Variants in SEMA5A observed in about 807,000 individuals in gnomAD.
SEMA5A encodes semaphorin-5A.
Under a neutral mutation model 135.5 loss-of-function variants are expected in SEMA5A, and 55 were observed. The observed-to-expected ratio is 0.41, with a 90% CI of 0.33 to 0.51. The LOEUF (loss-of-function observed/expected upper bound fraction) is 0.51, where lower values mean the gene tolerates loss of function less well. SEMA5A is among the 20% of genes least tolerant of loss of function. The pLI, the probability that SEMA5A is intolerant of heterozygous loss-of-function variation, is 0.37. For synonymous variants in SEMA5A, 580 were observed against 546.5 expected (o/e 1.06, Z -0.85); for missense variants, 1,290 against 1,419.9 (o/e 0.91, Z 1.47).
intron 11 of SEMA5A, among the ~76,000 whole-genome samples, chr5:9,170,994 GC>G (rs1210049449): frequency 6.6e-6 from 1 of 152,108 alleles, no homozygotes; most frequent in Non-Finnish European, 1.5e-5. Flanking sequence ...AGAAGAAGGG[GC>G]TCCATATGGG....
At chr5:9,138,414 G>A (rs1476374030) in intron 12 of SEMA5A, among the ~76,000 whole-genome samples, 2 of 151,972 alleles carry the variant, frequency 1.3e-5, no homozygotes, top group Non-Finnish European at 2.9e-5. Flanking sequence ...ATAATGATAT[G>A]CAATACACAC....
In SEMA5A at chr5:9,042,964, G is replaced by A. The variant is rs774783706; in HGVS notation, c.3158C>T (p.Pro1053Leu). 5.6e-6 allele frequency: 9 copies of A among 1,612,402 alleles called. No homozygotes were observed. The highest frequency in any genetic ancestry group is 1.7e-5 in the Admixed American group (1 of 59,954). ...AGAATAGGTCTTCCCAGTGAGATGT[G>A]GGTTGAAGTATTTGTTTCTTTCCTC... ...ILEERNKYFN[P>L]HLTGKTYSNA... Residue 1053 changes from proline (P) to leucine (L), a missense_variant, in exon 23 of 23, where the codon CCA becomes CTA. By Grantham distance (98) the Pro-to-Leu change is moderately conservative. Coordinates refer to ENST00000382496, the MANE Select transcript of SEMA5A (RefSeq NM_003966.3).
Position 9,042,632 on chromosome 5 carries a change from A to C in SEMA5A, c.*265T>G. 1 of 399,332 alleles carries C rather than the reference A, an allele frequency of 2.5e-6. No homozygotes were observed. 24.7% of individuals were successfully genotyped at this position (399,332 alleles called of 1,614,324 possible). ...TAATGCTCAAAAAACAAACCAATGG[A>C]CTTGTCAGAAAAATAGGATGAACAC... On this transcript the variant is annotated 3_prime_UTR_variant, in exon 23 of 23. Transcript: ENST00000382496.
chr5:9,221,344 C>G (rs1746953407), intron 8 of SEMA5A, among the ~76,000 whole-genome samples: 1 of 148,596 alleles, frequency 6.7e-6, no homozygotes, highest in Admixed American at 6.7e-5. Context: ...GCTGTGTCAC[C>G]CAGGCTGGAG....
chr5:9,494,890 T>C (rs1735222699), intron 1 of SEMA5A, among the ~76,000 whole-genome samples: 1 of 152,194 alleles, frequency 6.6e-6, no homozygotes, highest in African/African-American at 2.4e-5. Context: ...CTTTCCAAAG[T>C]ATCTGGTTCA....
chr5:9,148,813 G>A (rs527391338), intron 12 of SEMA5A, among the ~76,000 whole-genome samples: 13 of 151,798 alleles, frequency 8.6e-5, no homozygotes, highest in East Asian at 3.9e-4. Context: ...TCTGCCTCCC[G>A]GGTTCAAGCG....
chr5:9,182,204 G>A (rs1186923124), intron 11 of SEMA5A, among the ~76,000 whole-genome samples: 1 of 141,472 alleles, frequency 7.1e-6, no homozygotes, highest in East Asian at 2.1e-4. Flanking sequence ...TGTCTGTCTT[G>A]TCCATTGCTG....
intron 2 of SEMA5A, among the ~76,000 whole-genome samples, chr5:9,380,645 C>G (rs1220873079): frequency 6.6e-6 from 1 of 152,130 alleles, no homozygotes; most frequent in Non-Finnish European, 1.5e-5. Flanking sequence ...CAAATAAAAT[C>G]TATATCGAGC....
chr5:9,174,473 A>T (rs2150313668), intron 11 of SEMA5A, among the ~76,000 whole-genome samples: 1 of 152,310 alleles, frequency 6.6e-6, no homozygotes, highest in South Asian at 2.1e-4. Context: ...GCTTTGTAAC[A>T]ACTCCTGGAG....
intron 1 of SEMA5A, among the ~76,000 whole-genome samples, chr5:9,438,256 G>T (rs1758104459): frequency 6.6e-6 from 1 of 151,994 alleles, no homozygotes; most frequent in Non-Finnish European, 1.5e-5. Flanking sequence ...GGAACACATG[G>T]TACCTTATAC....
rs758974452 is a variant in SEMA5A, at chr5:9,423,160, G to A, written c.-78+14596C>T. ...ATTCAGGCTGAGGGCCACTGTGGAC[G>A]CAGAAGGCTGACTTCCGACCACCTG... is the stretch of plus-strand genomic sequence containing the variant. On this transcript the variant is annotated intron_variant, in intron 2 of 22. Transcript: ENST00000382496. Among the ~76,000 whole-genome samples the A allele has an allele frequency of 6.6e-6, 1 of 152,172 alleles. No individual in the cohort carries two copies. The highest frequency in any genetic ancestry group is 1.5e-5 in the Non-Finnish European group (1 of 68,028).
chr5:9,121,369 C>A (rs1344506517), intron 14 of SEMA5A, among the ~76,000 whole-genome samples: 2 of 152,102 alleles, frequency 1.3e-5, no homozygotes, highest in Non-Finnish European at 2.9e-5. Context: ...GTTTTTAAAG[C>A]CTCATTAAAA....
chr5:9,472,105 C>T (rs563222567), intron 1 of SEMA5A, among the ~76,000 whole-genome samples: 76 of 152,298 alleles, frequency 5.0e-4, no homozygotes, highest in Non-Finnish European at 9.4e-4. Context: ...ATTAACTCTT[C>T]ATTTAACATT....
chr5:9,467,826 A>C (rs1759318664), intron 1 of SEMA5A, among the ~76,000 whole-genome samples: 1 of 152,198 alleles, frequency 6.6e-6, no homozygotes, highest in African/African-American at 2.4e-5. Flanking sequence ...CCTTGTGCAG[A>C]ATTACTAAAT....
chr5:9,348,570 C>A (rs1753978740), intron 3 of SEMA5A, among the ~76,000 whole-genome samples: 1 of 152,124 alleles, frequency 6.6e-6, no homozygotes, highest in Non-Finnish European at 1.5e-5. Context: ...TCCTGACCTG[C>A]AGCATATGAT....
At position 9,066,547 on chromosome 5, in the gene SEMA5A, A is replaced by G. The variant is rs571067371; in HGVS notation, c.2173T>C (p.Tyr725His). The change falls in exon 17 of 23, where the codon TAT (tyrosine) becomes CAT (histidine). Residue 725 changes from tyrosine to histidine, a missense_variant. Coordinates refer to ENST00000382496, the MANE Select transcript of SEMA5A (RefSeq NM_003966.3). ...CATGTGTATCGGAATCGTTGCTCAT[A>G]GTGGCCGCCGTTGTCAGAGATGTTG... The part of the protein sequence containing the change: ...PVNISDNGGH[Y>H]EQRFRYTCKA... 2 of 1,614,172 alleles carry G rather than the reference A, an allele frequency of 1.2e-6. No individual in the cohort carries two copies. The highest frequency in any genetic ancestry group is 1.3e-5 in the African/African-American group (1 of 75,036).
chr5:9,306,092 G>A (rs1032089892), intron 5 of SEMA5A, among the ~76,000 whole-genome samples: 4 of 152,288 alleles, frequency 2.6e-5, no homozygotes, highest in Admixed American at 1.3e-4. Context: ...CCTTTTCCAC[G>A]AGTTTTCAGA....
intron 13 of SEMA5A, among the ~76,000 whole-genome samples, chr5:9,127,028 A>G (rs1366529699): frequency 6.6e-6 from 1 of 152,192 alleles, no homozygotes; most frequent in African/African-American, 2.4e-5. Flanking sequence ...ATCTCTGAAT[A>G]CGAGGACAGG....
At chr5:9,058,133 C>A (rs1736992826) in intron 18 of SEMA5A, among the ~76,000 whole-genome samples, 1 of 152,078 alleles carries the variant, frequency 6.6e-6, no homozygotes, top group Non-Finnish European at 1.5e-5. Context: ...TTTTCCCCTG[C>A]TATGTGAACT....
Sources: allele counts gnomAD v4.1 joint callset (sites outside exome capture counted in the v4.1 genomes callset), GRCh38; gene constraint gnomAD v4.1.1; transcripts MANE v1.5; gene names NCBI Gene and HGNC (gene_info 2026-07-23, HGNC 2026-07-21).